IGFL2: variants seen among roughly 807,000 people sequenced by gnomAD.
IGFL2 encodes IGF like family member 2, also known as insulin growth factor-like family member 2.
A neutral mutation model predicts 13.9 loss-of-function variants in IGFL2; 7 were observed. The observed-to-expected ratio is 0.51, with a 90% CI of 0.29 to 0.95. The LOEUF is 0.95. IGFL2 is among the 40% of genes least tolerant of loss of function. IGFL2 has a pLI of 0.08. For missense variants in IGFL2, 138 were observed against 147.8 expected (o/e 0.93, Z 0.34); for synonymous variants, 55 against 55.8 (o/e 0.99, Z 0.07).
chr19:46,126,632 G>A, the IGFL2 span, among the ~76,000 whole-genome samples: 2 of 152,162 alleles, frequency 1.3e-5, no homozygotes, highest in Non-Finnish European at 2.9e-5. Context: ...CTAAAACAAT[G>A]AGCATGTGCT....
chr19:46,145,250 A>G (rs1214033535), upstream of IGFL2, among the ~76,000 whole-genome samples: 2 of 152,116 alleles, frequency 1.3e-5, no homozygotes, highest in Non-Finnish European at 2.9e-5. Flanking sequence ...GTAAAATATG[A>G]GAAATTCAGT....
chr19:46,145,600 A>ATATGTGTGTGTGTGTG (rs1177221696), upstream of IGFL2, among the ~76,000 whole-genome samples: 2 of 94,574 alleles, frequency 2.1e-5, no homozygotes, highest in African/African-American at 5.8e-5. Flanking sequence ...ACTCATATAT[A>ATATGTGTGTGTGTGTG]TGTGTGTGTG....
chr19:46,184,590 CT>C, the IGFL2 span, among the ~76,000 whole-genome samples: 619 of 152,010 alleles, frequency 4.1e-3, 4 homozygotes, highest in African/African-American at 0.013. Context: ...CCTGCAAAGC[CT>C]TTTTTTATGG....
At chr19:46,213,474 C>A in the IGFL2 span, 1 of 155,088 alleles carries the variant, frequency 6.4e-6, no homozygotes. Flanking sequence ...TCCCCGAAGC[C>A]GTGTTCTGGG....
chr19:46,169,609 A>T, the IGFL2 span, among the ~76,000 whole-genome samples: 5 of 152,248 alleles, frequency 3.3e-5, no homozygotes, highest in East Asian at 9.6e-4. Context: ...GTACTTTGGG[A>T]GGCCAAGGTG....
rs529390891 is a variant in IGFL2, at chr19:46,148,298, G to A, written c.19+1G>A. 1.3e-6 allele frequency: 2 copies of A among 1,551,254 alleles called. No homozygotes were observed. The highest frequency in any genetic ancestry group is 1.4e-5 in the African/African-American group (1 of 73,012). ...AGCTCCATGGTGCCCAGAATCTTCG[G>A]TAAGGTAACCCTTGCCCCAGGTTGA... On this transcript the variant is annotated splice_donor_variant, in intron 1 of 3. Transcript: ENST00000377693. LOFTEE classifies it high-confidence loss of function.
chr19:46,169,827 A>C, the IGFL2 span, among the ~76,000 whole-genome samples: 2 of 135,282 alleles, frequency 1.5e-5, no homozygotes, highest in South Asian at 5.0e-4. Flanking sequence ...CAGTCTAGGC[A>C]ACAGAGTGAG....
At chr19:46,212,855 A>G in the IGFL2 span, 1 of 152,178 alleles carries the variant, frequency 6.6e-6, no homozygotes, top group Non-Finnish European at 1.5e-5. Flanking sequence ...CCTCTCCTGG[A>G]TAAATGACCA....
intron 1 of IGFL2, among the ~76,000 whole-genome samples, chr19:46,155,194 C>T (rs955231855): frequency 6.6e-5 from 10 of 152,180 alleles, no homozygotes; most frequent in Admixed American, 2.0e-4. Context: ...GAAGGAGCCC[C>T]GGTGCTGTAA....
At chr19:46,199,322 TG>T in the IGFL2 span, among the ~76,000 whole-genome samples, 1 of 152,186 alleles carries the variant, frequency 6.6e-6, no homozygotes, top group Non-Finnish European at 1.5e-5. Flanking sequence ...CCTTTCACCG[TG>T]GGTAGAGGTA....
At chr19:46,149,002 C>T (rs1464634824) in intron 1 of IGFL2, 5 of 1,604,126 alleles carry the variant, frequency 3.1e-6, no homozygotes, top group Non-Finnish European at 4.3e-6. Context: ...TTCAGTGTCT[C>T]AGGCATGAGG....
the IGFL2 span, among the ~76,000 whole-genome samples, chr19:46,094,731 C>G: frequency 6.6e-6 from 1 of 152,048 alleles, no homozygotes; most frequent in African/African-American, 2.4e-5. Context: ...TCTCTGTGTC[C>G]ATGTGTTCTA....
At chr19:46,084,351 T>A in the IGFL2 span, among the ~76,000 whole-genome samples, 1 of 152,240 alleles carries the variant, frequency 6.6e-6, no homozygotes, top group African/African-American at 2.4e-5. Context: ...TTATTGATTT[T>A]GTTTTGTCTG....
the IGFL2 span, among the ~76,000 whole-genome samples, chr19:46,134,740 G>A: frequency 6.6e-6 from 1 of 152,188 alleles, no homozygotes; most frequent in African/African-American, 2.4e-5. Flanking sequence ...GTGATGGGGA[G>A]CAGCTGTAAA....
chr19:46,114,566 A>ACATGGTGGGAGGTGATTGGAT, the IGFL2 span, among the ~76,000 whole-genome samples: 3 of 152,084 alleles, frequency 2.0e-5, no homozygotes, highest in African/African-American at 7.2e-5. Flanking sequence ...TTAGGGAGGG[A>ACATGGTGGGAGGTGATTGGAT]CATGGTGGGA....
chr19:46,174,954 A>G, the IGFL2 span, among the ~76,000 whole-genome samples: 1 of 152,240 alleles, frequency 6.6e-6, no homozygotes, highest in African/African-American at 2.4e-5. Context: ...AACCAAGACC[A>G]ATTATCTGAA....
the IGFL2 span, among the ~76,000 whole-genome samples, chr19:46,131,609 C>T: frequency 2.0e-5 from 3 of 152,072 alleles, no homozygotes; most frequent in Non-Finnish European, 2.9e-5. Context: ...ACATGCTCTT[C>T]GAGGCTGAAG....
the IGFL2 span, among the ~76,000 whole-genome samples, chr19:46,127,141 T>A: frequency 4.6e-5 from 7 of 152,118 alleles, no homozygotes; most frequent in Non-Finnish European, 1.0e-4. Flanking sequence ...ATCCTGGCAC[T>A]TTGGGAGGCT....
the IGFL2 span, chr19:46,111,758 G>A: frequency 6.6e-6 from 1 of 152,168 alleles, no homozygotes; most frequent in Non-Finnish European, 1.5e-5. Context: ...TACCAGCCCC[G>A]TAGCTGAGAC....
Sources: allele counts gnomAD v4.1 joint callset (sites outside exome capture counted in the v4.1 genomes callset), GRCh38; gene constraint gnomAD v4.1.1; transcripts MANE v1.5; gene names NCBI Gene and HGNC (gene_info 2026-07-23, HGNC 2026-07-21).